TSNARE1: variants seen among roughly 807,000 people sequenced by gnomAD.
TSNARE1 encodes t-SNARE domain containing 1, also known as t-SNARE domain-containing protein 1.
Under a neutral mutation model 62.0 loss-of-function variants are expected in TSNARE1, and 49 were observed. The observed-to-expected ratio is 0.79, with a 90% confidence interval of 0.63 to 1.00. TSNARE1 has a LOEUF of 1.00. Ranked by LOEUF, TSNARE1 falls within the 50% of genes least tolerant of loss-of-function variation. The pLI, the probability that TSNARE1 is intolerant of heterozygous loss-of-function variation, is 0.00. For synonymous variants in TSNARE1, 328 were observed against 294.4 expected (o/e 1.11, Z -1.17); for missense variants, 755 against 700.1 (o/e 1.08, Z -0.88).
chr8:142,395,860 T>A (rs1837857202), intron 1 of TSNARE1, among the ~76,000 whole-genome samples: 1 of 152,180 alleles, frequency 6.6e-6, no homozygotes, highest in African/African-American at 2.4e-5. Context: ...TTGTGTTGCT[T>A]CTTTCTAATG....
chr8:142,354,738 G>A lies in TSNARE1; in HGVS notation c.-14C>T. 1.2e-6 allele frequency: 2 copies of A among 1,603,894 alleles called. No individual in the cohort carries two copies. Among genetic ancestry groups the A allele is most frequent in the Non-Finnish European group, 1.7e-6 (2 of 1,171,554 alleles). ...TCCGTATGACATCTTCTTACAGATG[G>A]CAGGGCCAGCAGCCTCCACACTGAG... On this transcript the variant is annotated 5_prime_UTR_variant, in exon 2 of 14. Transcript: ENST00000524325.
At chr8:142,283,912 G>C (rs984395205) in intron 11 of TSNARE1, among the ~76,000 whole-genome samples, 1 of 143,276 alleles carries the variant, frequency 7.0e-6, no homozygotes, top group African/African-American at 2.5e-5. Context: ...GCCAGTGTCT[G>C]TCAGTGAGGG....
At chr8:142,380,217 G>A (rs1836635614) in intron 1 of TSNARE1, among the ~76,000 whole-genome samples, 1 of 152,226 alleles carries the variant, frequency 6.6e-6, no homozygotes, top group Admixed American at 6.5e-5. Flanking sequence ...ACAGATGAAA[G>A]AACAAGGAGA....
intron 1 of TSNARE1, among the ~76,000 whole-genome samples, chr8:142,369,830 A>T (rs1283926408): frequency 6.6e-6 from 1 of 152,264 alleles, no homozygotes; most frequent in Non-Finnish European, 1.5e-5. Context: ...AGACGTTATC[A>T]AACGTCCCAG....
At chr8:142,273,988 T>A (rs1363628771) in intron 12 of TSNARE1, 15 of 985,078 alleles carry the variant, frequency 1.5e-5, no homozygotes, top group Non-Finnish European at 1.8e-5. Context: ...ATACTGCCCC[T>A]GCTCCGCCCT....
At chr8:142,345,013 G>A (rs192638232) in intron 3 of TSNARE1, among the ~76,000 whole-genome samples, 1 of 152,132 alleles carries the variant, frequency 6.6e-6, no homozygotes, top group African/African-American at 2.4e-5. Context: ...TTCCCCTCCC[G>A]CACTTGGGCT....
chr8:142,276,665 A>C (rs1358721383), intron 11 of TSNARE1: 1 of 985,104 alleles, frequency 1.0e-6, no homozygotes, highest in East Asian at 1.1e-4. Context: ...CCTGGACCCC[A>C]CCCTTGGACT....
At chr8:142,365,811 T>A in intron 1 of TSNARE1, 1 of 337,170 alleles carries the variant, frequency 3.0e-6, no homozygotes. Context: ...GGAAATTATT[T>A]TTTAATCATA....
rs574770947 is a variant in TSNARE1 at position 142,363,716 on chromosome 8, C to T, written c.-39-8953G>A. 5.3e-5 allele frequency among the ~76,000 whole-genome samples: 8 copies of T among 152,322 alleles called. No homozygotes were observed. The East Asian group carries it at 1.5e-3, about 30-fold the overall frequency. The stretch of plus-strand genomic sequence containing the variant: ...GTCCCCTGGACCACCCTCCCCTCTA[C>T]TGCCCACTGCCCACAGAACCCACCA... On this transcript the variant is annotated intron_variant, in intron 1 of 13. Coordinates refer to ENST00000524325, the MANE Select transcript of TSNARE1 (RefSeq NM_145003.5).
At chr8:142,386,985 C>T (rs566481886) in intron 1 of TSNARE1, among the ~76,000 whole-genome samples, 1 of 152,252 alleles carries the variant, frequency 6.6e-6, no homozygotes, top group African/African-American at 2.4e-5. Flanking sequence ...ATCAAACTTC[C>T]GTAACCCAAA....
intron 1 of TSNARE1, among the ~76,000 whole-genome samples, chr8:142,367,520 CGGGGGA>C (rs1835641768): frequency 9.2e-5 from 1 of 10,820 alleles, no homozygotes; most frequent in African/African-American, 4.4e-4. Flanking sequence ...GACGCCGGGG[CGGGGGA>C]GGGGGAGGGG....
intron 13 of TSNARE1, among the ~76,000 whole-genome samples, chr8:142,225,258 T>G (rs1816720575): frequency 6.7e-6 from 1 of 150,240 alleles, no homozygotes; most frequent in African/African-American, 2.5e-5. Flanking sequence ...ACTCTGAATC[T>G]CCAGCGAGAC....
At chr8:142,373,840 G>A (rs966241937) in intron 1 of TSNARE1, among the ~76,000 whole-genome samples, 1 of 152,172 alleles carries the variant, frequency 6.6e-6, no homozygotes, top group Non-Finnish European at 1.5e-5. Context: ...GGGGAGCGGG[G>A]AAGCGGGGAG....
intron 12 of TSNARE1, chr8:142,271,731 A>C: frequency 7.6e-7 from 1 of 1,313,066 alleles, no homozygotes; most frequent in South Asian, 2.0e-5. Context: ...CTGCACACCC[A>C]AAACCCAGTG....
At chr8:142,277,393 C>A (rs922844873) in intron 11 of TSNARE1, 8 of 985,106 alleles carry the variant, frequency 8.1e-6, no homozygotes, top group African/African-American at 1.7e-5. Flanking sequence ...CTGTGGGAGA[C>A]CCCCCTGCAC....
At chr8:142,362,449 C>A (rs12682505) in intron 1 of TSNARE1, among the ~76,000 whole-genome samples, 42,340 of 152,102 alleles carry the variant, frequency 0.28, 7,659 homozygotes, top group African/African-American at 0.51. Flanking sequence ...CAGTCTGAGC[C>A]CACTTTCTGC....
intron 1 of TSNARE1, among the ~76,000 whole-genome samples, chr8:142,382,544 A>T (rs74641969): frequency 0.025 from 3,807 of 152,206 alleles, 190 homozygotes; most frequent in African/African-American, 0.088. Flanking sequence ...GCAGCTGCAC[A>T]CAGCCCAAGA....
At chr8:142,281,646 T>C (rs2130803353) in intron 11 of TSNARE1, among the ~76,000 whole-genome samples, 1 of 152,130 alleles carries the variant, frequency 6.6e-6, no homozygotes, top group East Asian at 2.0e-4. Flanking sequence ...CCAGAGCTTT[T>C]AGACCTCATG....
chr8:142,307,984 G>A (rs146042849), intron 9 of TSNARE1, among the ~76,000 whole-genome samples: 242 of 152,284 alleles, frequency 1.6e-3, no homozygotes, highest in Non-Finnish European at 2.9e-3. Context: ...CTGATAACTC[G>A]TGTTGCCAAG....
Sources: allele counts gnomAD v4.1 joint callset (sites outside exome capture counted in the v4.1 genomes callset), GRCh38; gene constraint gnomAD v4.1.1; transcripts MANE v1.5; gene names NCBI Gene and HGNC (gene_info 2026-07-23, HGNC 2026-07-21).